UGGT2: variants seen among roughly 807,000 people sequenced by gnomAD.
UGGT2 encodes UDP-glucose:glycoprotein glucosyltransferase 2.
In UGGT2, 180 loss-of-function variants were observed where a neutral mutation model predicts 192.1. The observed-to-expected ratio is 0.94, with a 90% CI of 0.83 to 1.06. UGGT2 has a LOEUF of 1.06. Ranked by LOEUF, UGGT2 falls within the 50% of genes least tolerant of loss-of-function variation. UGGT2 has a pLI of 0.00. For missense variants in UGGT2, 1,849 were observed against 1,795.7 expected (o/e 1.03, Z -0.54); for synonymous variants, 580 against 591.0 (o/e 0.98, Z 0.27).
chr13:96,018,043 T>C (rs2139094448), intron 4 of UGGT2, among the ~76,000 whole-genome samples: 1 of 152,306 alleles, frequency 6.6e-6, no homozygotes, highest in African/African-American at 2.4e-5. Context: ...GTCTACTAAC[T>C]ATAAAACCTA....
intron 10 of UGGT2, among the ~76,000 whole-genome samples, chr13:95,973,406 ATAGT>A (rs2050839303): frequency 6.6e-6 from 1 of 152,130 alleles, no homozygotes; most frequent in Non-Finnish European, 1.5e-5. Context: ...TACATTTCAT[ATAGT>A]GTGTGTATGT....
chr13:95,974,364 C>G (rs2140809460), intron 10 of UGGT2, among the ~76,000 whole-genome samples: 1 of 152,290 alleles, frequency 6.6e-6, no homozygotes, highest in South Asian at 2.1e-4. Flanking sequence ...CTTCACACAC[C>G]CTGATTGAAG....
intron 38 of UGGT2, among the ~76,000 whole-genome samples, chr13:95,813,658 T>C (rs535322910): frequency 2.6e-5 from 4 of 152,204 alleles, no homozygotes; most frequent in Non-Finnish European, 4.4e-5. Flanking sequence ...GAGCAACCAC[T>C]TGCTAGAGAT....
chr13:95,977,374 T>C (rs1425799587), intron 10 of UGGT2, among the ~76,000 whole-genome samples: 1 of 151,922 alleles, frequency 6.6e-6, no homozygotes, highest in African/African-American at 2.4e-5. Flanking sequence ...AACAACTCCA[T>C]CAGAAAGTGG....
intron 38 of UGGT2, among the ~76,000 whole-genome samples, chr13:95,819,470 G>A (rs1202674027): frequency 6.6e-6 from 1 of 151,602 alleles, no homozygotes; most frequent in Non-Finnish European, 1.5e-5. Context: ...GAATAAAATA[G>A]ACCTTATATA....
At chr13:95,997,541 G>A (rs1352280462) in intron 6 of UGGT2, among the ~76,000 whole-genome samples, 1 of 152,114 alleles carries the variant, frequency 6.6e-6, no homozygotes, top group Non-Finnish European at 1.5e-5. Context: ...TACTCAGGAG[G>A]CTGAAGCAAG....
intron 36 of UGGT2, among the ~76,000 whole-genome samples, chr13:95,845,993 CAG>C (rs1264396200): frequency 6.6e-6 from 1 of 152,092 alleles, no homozygotes; most frequent in African/African-American, 2.4e-5. Flanking sequence ...GGCGGCCAGG[CAG>C]AGACGCTCCT....
chr13:95,859,368 T>C (rs1367831426), intron 33 of UGGT2, among the ~76,000 whole-genome samples: 1 of 152,132 alleles, frequency 6.6e-6, no homozygotes, highest in African/African-American at 2.4e-5. Context: ...CTACTAGCCA[T>C]TCTGATTTTG....
At chr13:95,919,636 T>C (rs1020604790) in intron 20 of UGGT2, among the ~76,000 whole-genome samples, 1 of 152,040 alleles carries the variant, frequency 6.6e-6, no homozygotes, top group African/African-American at 2.4e-5. Context: ...CCTAGGAATA[T>C]AGCTAACAAG....
intron 27 of UGGT2, among the ~76,000 whole-genome samples, chr13:95,884,086 A>AAAAT (rs71113959): frequency 1.3e-5 from 2 of 148,698 alleles, no homozygotes; most frequent in African/African-American, 4.9e-5. Context: ...AAAAAAAAAA[A>AAAAT]CCAACAACAA....
intron 15 of UGGT2, 148 bp from the exon 16 acceptor site, chr13:95,940,239 C>A: frequency 2.1e-6 from 1 of 487,284 alleles, no homozygotes; most frequent in Non-Finnish European, 3.3e-6. Flanking sequence ...TAATTTTAAC[C>A]ATATATCATC....
At chr13:95,837,406 C>A (rs1421352193) in intron 36 of UGGT2, among the ~76,000 whole-genome samples, 1 of 152,078 alleles carries the variant, frequency 6.6e-6, no homozygotes, top group Non-Finnish European at 1.5e-5. Flanking sequence ...TGGAATATAC[C>A]TACATCTCTC....
chr13:95,803,729 G>T (rs1283086416), intron 38 of UGGT2, among the ~76,000 whole-genome samples: 1 of 152,108 alleles, frequency 6.6e-6, no homozygotes, highest in African/African-American at 2.4e-5. Flanking sequence ...CCCATTTGGG[G>T]AAGGCTCTCG....
chr13:95,901,916 C>CA (rs1311977705), intron 21 of UGGT2, among the ~76,000 whole-genome samples: 1 of 152,208 alleles, frequency 6.6e-6, no homozygotes, highest in African/African-American at 2.4e-5. Context: ...CATTTATTCA[C>CA]TGTCTATCAT....
intron 36 of UGGT2, among the ~76,000 whole-genome samples, chr13:95,839,439 G>C (rs1172512780): frequency 1.3e-5 from 2 of 152,230 alleles, no homozygotes; most frequent in African/African-American, 4.8e-5. Context: ...TGTTGTCAAG[G>C]TCCATCTATG....
chr13:96,053,343 A>C lies in UGGT2; in HGVS notation c.-31T>G. On this transcript the variant is annotated 5_prime_UTR_variant, in exon 1 of 39. Transcript: ENST00000376747. Reference sequence around the variant, plus strand: ...GGAGAGAAAAGCGCGAGTCCCTCGGACCCGGTACCCACAGTCTGTGGCCGC... The same window carrying C: ...GGAGAGAAAAGCGCGAGTCCCTCGGCCCCGGTACCCACAGTCTGTGGCCGC... 6.4e-7 allele frequency: 1 copy of C among 1,571,564 alleles called. No homozygotes were observed. The highest frequency in any genetic ancestry group is 8.6e-7 in the Non-Finnish European group (1 of 1,168,864).
chr13:95,832,672 T>C (rs1886839743), intron 38 of UGGT2: 1 of 562,822 alleles, frequency 1.8e-6, no homozygotes, highest in Middle Eastern at 3.0e-4. Context: ...CTCTATGTTG[T>C]GTCAGGAGAC....
chr13:95,996,172 T>C (rs1207904672), intron 6 of UGGT2, 37 bp from the exon 7 acceptor site: 1 of 1,554,212 alleles, frequency 6.4e-7, no homozygotes, highest in Non-Finnish European at 8.8e-7. Context: ...ACAACAAAAA[T>C]ATTTTCAGAC....
At chr13:95,850,403 C>A (rs1181251864) in intron 36 of UGGT2, among the ~76,000 whole-genome samples, 1 of 152,176 alleles carries the variant, frequency 6.6e-6, no homozygotes, top group Non-Finnish European at 1.5e-5. Flanking sequence ...GTGGCATAAA[C>A]TGTTAGGACC....
Sources: allele counts gnomAD v4.1 joint callset (sites outside exome capture counted in the v4.1 genomes callset), GRCh38; gene constraint gnomAD v4.1.1; transcripts MANE v1.5; gene names NCBI Gene and HGNC (gene_info 2026-07-23, HGNC 2026-07-21).